Variants in ATP8A2 observed in about 807,000 individuals in gnomAD.
ATP8A2 encodes the protein phospholipid-transporting ATPase IB.
Under a neutral mutation model 165.6 loss-of-function variants are expected in ATP8A2, and 100 were observed. That is an observed-to-expected ratio of 0.60 (90% CI 0.51 to 0.71). The LOEUF (loss-of-function observed/expected upper bound fraction) is 0.71. Among genes scored for constraint, ATP8A2 ranks in the 30% least tolerant of loss-of-function variants. The pLI is 0.00. For synonymous variants in ATP8A2, 543 were observed against 548.8 expected (o/e 0.99, Z 0.15); for missense variants, 1,227 against 1,479.5 (o/e 0.83, Z 2.80).
intron 27 of ATP8A2, among the ~76,000 whole-genome samples, chr13:25,787,509 C>A (rs1289116661): frequency 6.6e-6 from 1 of 152,222 alleles, no homozygotes; most frequent in African/African-American, 2.4e-5. Context: ...AATAATGCCT[C>A]TGTACACACT....
intron 18 of ATP8A2, among the ~76,000 whole-genome samples, chr13:25,572,473 A>C (rs1310048898): frequency 6.6e-6 from 1 of 152,168 alleles, no homozygotes; most frequent in Non-Finnish European, 1.5e-5. Flanking sequence ...CCCCCCTGCA[A>C]CTGGAGTCAA....
chr13:25,674,657 A>G (rs1186065045), intron 24 of ATP8A2, among the ~76,000 whole-genome samples: 2 of 152,218 alleles, frequency 1.3e-5, no homozygotes, highest in East Asian at 1.9e-4. Flanking sequence ...GCTAAATGCA[A>G]TTGAAACATT....
At chr13:25,903,854 T>C (rs1953846101) in intron 33 of ATP8A2, among the ~76,000 whole-genome samples, 1 of 152,216 alleles carries the variant, frequency 6.6e-6, no homozygotes, top group Non-Finnish European at 1.5e-5. Flanking sequence ...ATTCACACAA[T>C]GTATAAGCTC....
At chr13:25,497,723 G>A (rs745576483) in intron 2 of ATP8A2, among the ~76,000 whole-genome samples, 3 of 152,080 alleles carry the variant, frequency 2.0e-5, no homozygotes, top group Non-Finnish European at 4.4e-5. Context: ...TTGGGAGGCC[G>A]AGGCAGGCGG....
chr13:25,480,734 C>G (rs1248073761), intron 2 of ATP8A2, among the ~76,000 whole-genome samples: 1 of 151,254 alleles, frequency 6.6e-6, no homozygotes, highest in Non-Finnish European at 1.5e-5. Context: ...CAGAGACGCT[C>G]CTCACTTCCT....
At chr13:25,947,613 G>A (rs926429932) in intron 33 of ATP8A2, among the ~76,000 whole-genome samples, 4 of 152,130 alleles carry the variant, frequency 2.6e-5, no homozygotes, top group Admixed American at 6.5e-5. Flanking sequence ...AGATAAACAT[G>A]TGGCCTGGGC....
chr13:25,512,851 G>A (rs2037295960), intron 2 of ATP8A2, among the ~76,000 whole-genome samples: 1 of 140,956 alleles, frequency 7.1e-6, no homozygotes, highest in Admixed American at 6.9e-5. Flanking sequence ...CTTTCCAGTA[G>A]GGGCGGCCAG....
At chr13:25,502,782 TGTC>T (rs2036896130) in intron 2 of ATP8A2, among the ~76,000 whole-genome samples, 1 of 152,212 alleles carries the variant, frequency 6.6e-6, no homozygotes, top group Non-Finnish European at 1.5e-5. Flanking sequence ...CACTGCACGA[TGTC>T]ATGGCCTGTG....
Position 25,461,817 on chromosome 13 carries a change from A to G in ATP8A2, c.77-7160A>G, listed in dbSNP as rs17783215. Among the ~76,000 whole-genome samples the G allele has an allele frequency of 2.5e-3, 377 of 150,862 alleles. 2 individuals carry two copies. Among genetic ancestry groups the G allele is most frequent in the South Asian group, 8.9e-3 (42 of 4,712 alleles). Reference sequence around the variant, plus strand: ...AAGTAAGACTGGTTTTTACGTTTTTAAAGATGTGTGAGGAAGAAGAAGAAG... The same window carrying G: ...AAGTAAGACTGGTTTTTACGTTTTTGAAGATGTGTGAGGAAGAAGAAGAAG... On this transcript the variant is annotated intron_variant, in intron 1 of 36. Transcript: ENST00000381655.
At chr13:25,445,722 G>A (rs2035049475) in intron 1 of ATP8A2, among the ~76,000 whole-genome samples, 1 of 152,140 alleles carries the variant, frequency 6.6e-6, no homozygotes, top group African/African-American at 2.4e-5. Flanking sequence ...GGTGGTAGAT[G>A]GTGGCTGGGT....
intron 33 of ATP8A2, among the ~76,000 whole-genome samples, chr13:25,931,919 G>T (rs1054388422): frequency 1.3e-5 from 2 of 151,716 alleles, no homozygotes; most frequent in South Asian, 2.1e-4. Context: ...GTGGTGGCGG[G>T]TGCCTGTAAT....
At chr13:25,394,735 C>T (rs528824615) in intron 1 of ATP8A2, among the ~76,000 whole-genome samples, 57 of 152,316 alleles carry the variant, frequency 3.7e-4, no homozygotes, top group African/African-American at 1.2e-3. Flanking sequence ...CTGTCCTTCC[C>T]CTATCTGGCT....
At chr13:25,591,144 T>C in intron 24 of ATP8A2, 1 of 396,742 alleles carries the variant, frequency 2.5e-6, no homozygotes, top group South Asian at 1.9e-5. Flanking sequence ...TGTGTGTGTG[T>C]GTGTGTGTGT....
intron 29 of ATP8A2, among the ~76,000 whole-genome samples, chr13:25,838,767 G>A (rs187708728): frequency 4.4e-4 from 67 of 152,214 alleles, no homozygotes; most frequent in Non-Finnish European, 8.1e-4. Context: ...AATAACTCGA[G>A]GGGGGCAGCC....
chr13:25,773,126 C>A (rs776757014), intron 26 of ATP8A2, among the ~76,000 whole-genome samples: 2 of 152,156 alleles, frequency 1.3e-5, no homozygotes, highest in Non-Finnish European at 1.5e-5. Flanking sequence ...AAAAGAATTT[C>A]TAATGTCCTG....
chr13:25,567,339 T>C, intron 16 of ATP8A2: 1 of 456,676 alleles, frequency 2.2e-6, no homozygotes, highest in Non-Finnish European at 4.4e-6. Context: ...TTTTCCTGAC[T>C]CCTCCTTGGT....
intron 25 of ATP8A2, among the ~76,000 whole-genome samples, chr13:25,749,182 A>G (rs559520327): frequency 6.6e-6 from 1 of 152,298 alleles, no homozygotes; most frequent in Admixed American, 6.5e-5. Flanking sequence ...TTTGGGAGGC[A>G]CTGCAGACGC....
Position 25,581,854 on chromosome 13 carries a change from T to A in ATP8A2, c.2043T>A (p.Asp681Glu), listed in dbSNP as rs748269083. ...TACTTGGAGCCACAGCCATAGAAGA[T>A]CGCCTTCAAGCAGGAGTTCCAGAAA... ...LLLLGATAIE[D>E]RLQAGVPETI... Residue 681 changes from aspartate to glutamate, a missense_variant, in exon 23 of 37, where the codon GAT becomes GAA. By Grantham distance (45) the Asp-to-Glu change is conservative. Around this residue, in one of 5 missense-constraint regions of ATP8A2, gnomAD observed 592 missense variants for 785.6 expected, o/e 0.75. Coordinates refer to ENST00000381655, the MANE Select transcript of ATP8A2 (RefSeq NM_016529.6). The A allele has an allele frequency of 6.2e-7, 1 of 1,614,088 alleles. No homozygotes were observed. The highest frequency in any genetic ancestry group is 1.1e-5 in the South Asian group (1 of 91,076).
At chr13:25,869,540 T>C (rs1952618912) in intron 33 of ATP8A2, among the ~76,000 whole-genome samples, 1 of 152,242 alleles carries the variant, frequency 6.6e-6, no homozygotes, top group African/African-American at 2.4e-5. Flanking sequence ...TTGTCTGTAA[T>C]ATCCATACTT....
Sources: gnomAD v4.1 joint callset for allele counts (sites outside exome capture counted in the v4.1 genomes callset) on GRCh38, gnomAD v4.1.1 for gene constraint, gnomAD v4.1.1 regional missense constraint, MANE v1.5 for transcripts, NCBI Gene and HGNC (gene_info 2026-07-23, HGNC 2026-07-21) for gene names.